Variants in UNC5C observed in about 807,000 individuals in gnomAD.
UNC5C encodes the protein unc-5 netrin receptor C.
In UNC5C, 47 loss-of-function variants were observed where a neutral mutation model predicts 99.8. That is an observed-to-expected ratio of 0.47 (90% CI 0.37 to 0.60). The LOEUF (loss-of-function observed/expected upper bound fraction) is 0.60, where lower values mean the gene tolerates loss of function less well. Among genes scored for constraint, UNC5C ranks in the 20% least tolerant of loss-of-function variants. The pLI is 0.00. For missense variants in UNC5C, 1,062 were observed against 1,165.9 expected (o/e 0.91, Z 1.30); for synonymous variants, 487 against 452.2 (o/e 1.08, Z -0.98).
chr4:95,253,016 T>C (rs373938451), intron 4 of UNC5C, among the ~76,000 whole-genome samples: 95 of 152,290 alleles, frequency 6.2e-4, no homozygotes, highest in African/African-American at 2.1e-3. Context: ...CCAACATATC[T>C]CATTATGTAT....
At chr4:95,181,385 CTT>C (rs1365652007) in intron 14 of UNC5C, among the ~76,000 whole-genome samples, 1 of 152,220 alleles carries the variant, frequency 6.6e-6, no homozygotes, top group African/African-American at 2.4e-5. Context: ...GAGCAGCTCT[CTT>C]TCATTTGTGG....
chr4:95,251,161 AG>A (rs1441083140), intron 4 of UNC5C, among the ~76,000 whole-genome samples: 1 of 152,246 alleles, frequency 6.6e-6, no homozygotes, highest in Non-Finnish European at 1.5e-5. Flanking sequence ...GACATCACAT[AG>A]CTGTAATAAA....
chr4:95,288,209 A>T (rs2903006), intron 3 of UNC5C, among the ~76,000 whole-genome samples: 99,357 of 151,200 alleles, frequency 0.66, 33,594 homozygotes, highest in African/African-American at 0.83. Context: ...CAGCCTCCCG[A>T]GTAGCTGGGA....
intron 2 of UNC5C, among the ~76,000 whole-genome samples, chr4:95,316,332 G>A (rs1742475112): frequency 6.6e-6 from 1 of 152,170 alleles, no homozygotes; most frequent in Non-Finnish European, 1.5e-5. Flanking sequence ...GAGTCAACCT[G>A]TCCATCATAA....
chr4:95,211,277 C>G (rs1738066437), intron 10 of UNC5C, among the ~76,000 whole-genome samples: 1 of 152,196 alleles, frequency 6.6e-6, no homozygotes, highest in African/African-American at 2.4e-5. Context: ...TATTTGCACT[C>G]TAGGTACCTG....
intron 1 of UNC5C, among the ~76,000 whole-genome samples, chr4:95,356,394 C>T (rs893580852): frequency 6.6e-6 from 1 of 151,932 alleles, no homozygotes; most frequent in African/African-American, 2.4e-5. Context: ...ATATCACTTA[C>T]CAAAATTTGT....
chr4:95,205,070 GTGACAT>G (rs1235875839), intron 11 of UNC5C, among the ~76,000 whole-genome samples: 7 of 152,108 alleles, frequency 4.6e-5, no homozygotes, highest in African/African-American at 1.7e-4. Flanking sequence ...TCCCCTAGTG[GTGACAT>G]GGTGCAGAAA....
At chr4:95,306,305 C>T (rs1280373711) in intron 2 of UNC5C, among the ~76,000 whole-genome samples, 6 of 152,138 alleles carry the variant, frequency 3.9e-5, no homozygotes, top group Admixed American at 3.9e-4. Flanking sequence ...CGGGTTCACA[C>T]CATTCTCCTG....
Position 95,301,683 on chromosome 4 carries a change from T to G in UNC5C, c.413A>C (p.Glu138Ala). The G allele has an allele frequency of 6.2e-7, 1 of 1,613,680 alleles. No individual in the cohort carries two copies. The highest frequency in any genetic ancestry group is 8.5e-7 in the Non-Finnish European group (1 of 1,180,040). The change falls in exon 3 of 16, where the codon GAA (glutamate) becomes GCA (alanine). Residue 138 changes from glutamate to alanine, a missense_variant. Glu to Ala is a moderately radical substitution (Grantham distance 107). This residue lies in a region of UNC5C where 249 missense variants were observed against 295.1 expected (regional missense o/e 0.84). Transcript: ENST00000453304. ...GGCCACACACTGGCACCAGTAATCT[T>G]CAGGTCCAAAGAGTTCTTCCACTTG... Reference protein sequence around the residue: ...RQQVEELFGPEDYWCQCVAWS... With the variant: ...RQQVEELFGPADYWCQCVAWS...
At chr4:95,321,358 C>T (rs1447740801) in intron 2 of UNC5C, among the ~76,000 whole-genome samples, 1 of 152,142 alleles carries the variant, frequency 6.6e-6, no homozygotes, top group Non-Finnish European at 1.5e-5. Flanking sequence ...TCAATTTTCT[C>T]TTCTTTTTGT....
intron 1 of UNC5C, among the ~76,000 whole-genome samples, chr4:95,439,046 C>T (rs530925207): frequency 6.6e-6 from 1 of 152,132 alleles, no homozygotes; most frequent in South Asian, 2.1e-4. Context: ...TTAAATCTCC[C>T]AAAACTCTAT....
intron 14 of UNC5C, 123 bp from the exon 15 acceptor site, chr4:95,170,455 T>C: frequency 4.3e-6 from 5 of 1,162,474 alleles, no homozygotes; most frequent in Non-Finnish European, 6.0e-6. Flanking sequence ...GTTATTCTTC[T>C]TAGGAAGAAT....
At chr4:95,347,472 A>G (rs1418559362) in intron 1 of UNC5C, among the ~76,000 whole-genome samples, 1 of 152,138 alleles carries the variant, frequency 6.6e-6, no homozygotes. Flanking sequence ...CAAAAAGAAC[A>G]AAACTGAAGG....
chr4:95,451,350 G>A (rs1041748488), intron 1 of UNC5C, among the ~76,000 whole-genome samples: 6 of 152,090 alleles, frequency 3.9e-5, no homozygotes, highest in Non-Finnish European at 7.4e-5. Context: ...AGGAAACTTC[G>A]ACAGAAACAT....
chr4:95,362,639 A>C (rs1304431820), intron 1 of UNC5C, among the ~76,000 whole-genome samples: 1 of 152,226 alleles, frequency 6.6e-6, no homozygotes, highest in African/African-American at 2.4e-5. Context: ...TTGCACCCGC[A>C]GGATTCCTCA....
At chr4:95,379,530 A>G (rs1579370585) in intron 1 of UNC5C, among the ~76,000 whole-genome samples, 2 of 152,256 alleles carry the variant, frequency 1.3e-5, no homozygotes, top group South Asian at 4.1e-4. Context: ...CTATTCCCCA[A>G]GCGGAGTATC....
chr4:95,356,952 A>G (rs1182453030), intron 1 of UNC5C, among the ~76,000 whole-genome samples: 1 of 152,148 alleles, frequency 6.6e-6, no homozygotes, highest in Non-Finnish European at 1.5e-5. Flanking sequence ...GAGATTGCAC[A>G]GGTATTAAGG....
At chr4:95,176,885 ATCAGCGAGAC>A (rs1296591303) in intron 14 of UNC5C, among the ~76,000 whole-genome samples, 1 of 152,212 alleles carries the variant, frequency 6.6e-6, no homozygotes, top group Non-Finnish European at 1.5e-5. Flanking sequence ...TGTGCTAGCA[ATCAGCGAGAC>A]TCTGTGGGCG....
At chr4:95,494,680 C>T (rs1017206584) in intron 1 of UNC5C, among the ~76,000 whole-genome samples, 1 of 151,404 alleles carries the variant, frequency 6.6e-6, no homozygotes, top group African/African-American at 2.4e-5. Flanking sequence ...CAATGCTAAG[C>T]TTAAAACTTA....
Sources: gnomAD v4.1 joint callset for allele counts (sites outside exome capture counted in the v4.1 genomes callset) on GRCh38, gnomAD v4.1.1 for gene constraint, gnomAD v4.1.1 regional missense constraint, MANE v1.5 for transcripts, NCBI Gene and HGNC (gene_info 2026-07-23, HGNC 2026-07-21) for gene names.